COG3: variants seen among roughly 807,000 people sequenced by gnomAD.
COG3 encodes the protein component of oligomeric golgi complex 3.
A neutral mutation model predicts 114.1 loss-of-function variants in COG3; 32 were observed. The ratio of observed to expected loss-of-function variants is 0.28; its 90% CI spans 0.21 to 0.38. The LOEUF is 0.38. Ranked by LOEUF, COG3 falls within the 10% of genes least tolerant of loss-of-function variation. COG3 has a pLI of 1.00. For synonymous variants in COG3, 352 were observed against 365.7 expected (o/e 0.96, Z 0.43); for missense variants, 813 against 973.2 (o/e 0.84, Z 2.19).
chr13:45,503,469 T>C (rs977571517), intron 14 of COG3, 120 bp downstream of exon 14: 1 of 592,264 alleles, frequency 1.7e-6, no homozygotes, highest in Admixed American at 2.9e-5. Context: ...CCACACTTTA[T>C]GGGGGGAGAT....
intron 13 of COG3, among the ~76,000 whole-genome samples, chr13:45,496,991 T>C (rs1162091043): frequency 6.6e-6 from 1 of 152,250 alleles, no homozygotes; most frequent in African/African-American, 2.4e-5. Flanking sequence ...TTATGTTTTA[T>C]AAACATTCTA....
At chr13:45,478,547 G>A (rs1162900982) in intron 2 of COG3, among the ~76,000 whole-genome samples, 4 of 150,130 alleles carry the variant, frequency 2.7e-5, no homozygotes, top group African/African-American at 7.4e-5. Context: ...ATCTCGGCTC[G>A]CTGTGATCTT....
At chr13:45,496,874 C>T (rs1454810551) in intron 13 of COG3, among the ~76,000 whole-genome samples, 18 of 151,548 alleles carry the variant, frequency 1.2e-4, no homozygotes, top group Admixed American at 7.9e-4. Flanking sequence ...GGGGTTTCAC[C>T]GTGTTAGCCA....
intron 19 of COG3, among the ~76,000 whole-genome samples, chr13:45,522,017 C>T (rs775120147): frequency 1.3e-5 from 2 of 152,040 alleles, no homozygotes; most frequent in Non-Finnish European, 2.9e-5. Flanking sequence ...GTTGACCAGG[C>T]TGGTCTCAAA....
At chr13:45,510,127 C>T (rs1287392178) in intron 15 of COG3, among the ~76,000 whole-genome samples, 1 of 149,142 alleles carries the variant, frequency 6.7e-6, no homozygotes, top group Non-Finnish European at 1.5e-5. Flanking sequence ...TTAAATACAG[C>T]AGTCATGTAA....
intron 12 of COG3, among the ~76,000 whole-genome samples, chr13:45,494,937 C>T (rs1207116492): frequency 3.4e-5 from 5 of 146,334 alleles, no homozygotes; most frequent in Non-Finnish European, 7.4e-5. Context: ...CCTCTGCTTG[C>T]CGGGTTCAAG....
intron 22 of COG3, among the ~76,000 whole-genome samples, chr13:45,533,692 T>A (rs1873359671): frequency 6.6e-6 from 1 of 152,234 alleles, no homozygotes. Context: ...CCAGGTCCAG[T>A]CCCAGGTCAT....
intron 21 of COG3, among the ~76,000 whole-genome samples, chr13:45,530,192 TGTGGCCCA>T (rs1873047344): frequency 6.6e-6 from 1 of 152,200 alleles, no homozygotes; most frequent in Non-Finnish European, 1.5e-5. Flanking sequence ...TTACATTGCA[TGTGGCCCA>T]GCTCTCAAGA....
chr13:45,521,675 C>T (rs1276645100), intron 19 of COG3, among the ~76,000 whole-genome samples: 1 of 152,110 alleles, frequency 6.6e-6, no homozygotes, highest in Non-Finnish European at 1.5e-5. Flanking sequence ...GTGACTGTTA[C>T]TAGCATTCTG....
At chr13:45,482,770 G>A (rs1886328720) in intron 6 of COG3, among the ~76,000 whole-genome samples, 1 of 152,158 alleles carries the variant, frequency 6.6e-6, no homozygotes, top group Non-Finnish European at 1.5e-5. Context: ...CCATCTAACA[G>A]GATGAGCCGT....
chr13:45,474,951 G>GTCTC (rs1388833335), intron 1 of COG3, among the ~76,000 whole-genome samples: 2 of 151,804 alleles, frequency 1.3e-5, no homozygotes, highest in Non-Finnish European at 2.9e-5. Context: ...AAAACAGTCT[G>GTCTC]TATGTCTATA....
chr13:45,476,303 A>G lies in COG3; in HGVS notation c.277A>G (p.Thr93Ala). The change falls in exon 2 of 23, where the codon ACT (threonine) becomes GCT (alanine). Residue 93 changes from threonine to alanine, a missense_variant. This residue lies in a region of COG3 where 424 missense variants were observed against 430.6 expected (regional missense o/e 0.98). Coordinates refer to ENST00000349995, the MANE Select transcript of COG3 (RefSeq NM_031431.4). ...STEDILLKGF[T>A]SLGMEEERIE... is the part of the protein sequence containing the mutation. The stretch of plus-strand genomic sequence containing the variant: ...AGAAGACATTCTCTTGAAGGGCTTC[A>G]CTTCCTTAGGAATGGAAGAAGAAAG... 2 of 1,613,932 alleles carry G rather than the reference A, an allele frequency of 1.2e-6. No individual in the cohort carries two copies. Among genetic ancestry groups the G allele is most frequent in the Non-Finnish European group, 1.7e-6 (2 of 1,179,840 alleles).
intron 3 of COG3, among the ~76,000 whole-genome samples, chr13:45,479,359 C>G (rs1479978530): frequency 6.6e-6 from 1 of 151,908 alleles, no homozygotes; most frequent in Non-Finnish European, 1.5e-5. Context: ...TAGAGGAATT[C>G]TAGGAGGTGT....
At chr13:45,469,851 A>T (rs542070571) in intron 1 of COG3, among the ~76,000 whole-genome samples, 153 of 152,326 alleles carry the variant, frequency 1.0e-3, no homozygotes, top group African/African-American at 2.2e-3. Flanking sequence ...AATAATTTTC[A>T]TAAAAGATTG....
chr13:45,468,011 C>CT (rs1391292157), intron 1 of COG3, among the ~76,000 whole-genome samples: 1 of 152,082 alleles, frequency 6.6e-6, no homozygotes, highest in East Asian at 1.9e-4. Flanking sequence ...GGAATTATGC[C>CT]TTTTTTGGCA....
chr13:45,478,402 A>G lies in COG3; in HGVS notation c.322-603A>G, dbSNP rs146981864. On this transcript the variant is annotated intron_variant, in intron 2 of 22. Transcript: ENST00000349995. The stretch of plus-strand genomic sequence containing the variant: ...CACCGTGTTAGCCAGGATGGTCTCT[A>G]TCTCCTGACCTTGTGATCCGCTCGC... Among the ~76,000 whole-genome samples, 727 of 151,362 alleles carry G rather than the reference A, an allele frequency of 4.8e-3. 7 individuals carry two copies. The highest frequency in any genetic ancestry group is 0.017 in the African/African-American group (683 of 41,264).
chr13:45,491,265 A>G, intron 9 of COG3, 147 bp from the exon 10 acceptor site: 1 of 708,366 alleles, frequency 1.4e-6, no homozygotes, highest in East Asian at 2.8e-5. Context: ...TTGTGTCTGT[A>G]TTTCTAGTAT....
At chr13:45,491,306 A>G (rs1373695148) in intron 9 of COG3, 106 bp from the exon 10 acceptor site, 2 of 1,116,162 alleles carry the variant, frequency 1.8e-6, no homozygotes, top group South Asian at 1.6e-5. Context: ...ATGAGAGGTG[A>G]CCGTTATAGC....
chr13:45,488,336 A>G (rs889112006), intron 8 of COG3, among the ~76,000 whole-genome samples: 2 of 152,146 alleles, frequency 1.3e-5, no homozygotes, highest in Non-Finnish European at 2.9e-5. Flanking sequence ...GTAGTTAACA[A>G]TTTATTGTAT....
Sources: gnomAD v4.1 joint callset for allele counts (sites outside exome capture counted in the v4.1 genomes callset) on GRCh38, gnomAD v4.1.1 for gene constraint, gnomAD v4.1.1 regional missense constraint, MANE v1.5 for transcripts, NCBI Gene and HGNC (gene_info 2026-07-23, HGNC 2026-07-21) for gene names.